The following HS3ST5 variants were observed in gnomAD, a reference collection of about 807,000 sequenced individuals.
HS3ST5 encodes heparan sulfate-glucosamine 3-sulfotransferase 5.
A neutral mutation model predicts 25.4 loss-of-function variants in HS3ST5; 10 were observed. The ratio of observed to expected loss-of-function variants is 0.39; its 90% CI spans 0.24 to 0.67. The LOEUF is 0.67. Ranked by LOEUF, HS3ST5 falls within the 30% of genes least tolerant of loss-of-function variation. HS3ST5 has a pLI of 0.44. For synonymous variants in HS3ST5, 170 were observed against 162.4 expected, an observed-to-expected ratio of 1.05 and a Z score of -0.36; for missense variants, 324 against 420.7, an observed-to-expected ratio of 0.77 and a Z score of 2.01.
At chr6:114,246,606 T>G (rs1772391012) in intron 1 of HS3ST5, among the ~76,000 whole-genome samples, 1 of 152,204 alleles carries the variant, frequency 6.6e-6, no homozygotes, top group Non-Finnish European at 1.5e-5. Flanking sequence ...TAGGCAACGC[T>G]TATACAGCAG....
chr6:114,155,812 T>A (rs1181982789), intron 3 of HS3ST5, among the ~76,000 whole-genome samples: 5 of 152,188 alleles, frequency 3.3e-5, no homozygotes, highest in Admixed American at 2.0e-4. Flanking sequence ...AAACACACCC[T>A]GTATTTATAG....
At chr6:114,237,508 T>C (rs1771913069) in intron 1 of HS3ST5, among the ~76,000 whole-genome samples, 2 of 152,302 alleles carry the variant, frequency 1.3e-5, no homozygotes, top group East Asian at 3.9e-4. Flanking sequence ...CACTTTAGAC[T>C]ATACCTGGGT....
At chr6:114,226,621 T>A (rs1771303395) in intron 2 of HS3ST5, among the ~76,000 whole-genome samples, 1 of 152,072 alleles carries the variant, frequency 6.6e-6, no homozygotes, top group Admixed American at 6.6e-5. Flanking sequence ...GACTAGAAGA[T>A]CAAAATGGTC....
intron 1 of HS3ST5, among the ~76,000 whole-genome samples, chr6:114,303,733 T>G (rs1445368034): frequency 6.6e-6 from 1 of 152,082 alleles, no homozygotes; most frequent in Non-Finnish European, 1.5e-5. Flanking sequence ...TAACTTAAAT[T>G]CTACTATAAC....
chr6:114,230,074 T>C (rs1318037497), intron 1 of HS3ST5: 1 of 151,304 alleles, frequency 6.6e-6, no homozygotes, highest in Non-Finnish European at 1.5e-5. Flanking sequence ...GAAGGTTTCA[T>C]GATGCAGAGT....
intron 3 of HS3ST5, among the ~76,000 whole-genome samples, chr6:114,136,392 T>C (rs573106164): frequency 6.6e-6 from 1 of 152,296 alleles, no homozygotes; most frequent in Admixed American, 6.5e-5. Context: ...GTGACTTTGC[T>C]CTTCATTTGT....
At chr6:114,212,348 G>A (rs1317159713) in intron 2 of HS3ST5, among the ~76,000 whole-genome samples, 1 of 152,162 alleles carries the variant, frequency 6.6e-6, no homozygotes, top group Non-Finnish European at 1.5e-5. Context: ...ATGGATACAT[G>A]GTGATGTTGA....
At chr6:114,098,640 T>G (rs1156861613) in intron 3 of HS3ST5, among the ~76,000 whole-genome samples, 2 of 151,526 alleles carry the variant, frequency 1.3e-5, no homozygotes, top group Non-Finnish European at 3.0e-5. Flanking sequence ...AAATACTTGA[T>G]GAATGGGCAT....
At chr6:114,064,190 T>A (rs1313601747) in intron 3 of HS3ST5, among the ~76,000 whole-genome samples, 1 of 152,208 alleles carries the variant, frequency 6.6e-6, no homozygotes, top group Non-Finnish European at 1.5e-5. Flanking sequence ...ATCTCTGTAT[T>A]GCTATGTGAA....
intron 2 of HS3ST5, among the ~76,000 whole-genome samples, chr6:114,216,436 G>T (rs1046087465): frequency 1.3e-5 from 2 of 152,112 alleles, no homozygotes; most frequent in African/African-American, 4.8e-5. Flanking sequence ...AAGCTTCATT[G>T]CTGGCAATCA....
At chr6:114,271,078 A>C (rs1254655698) in intron 1 of HS3ST5, among the ~76,000 whole-genome samples, 1 of 152,136 alleles carries the variant, frequency 6.6e-6, no homozygotes, top group East Asian at 1.9e-4. Context: ...ACACAGAGAC[A>C]TGATGTCTAT....
intron 1 of HS3ST5, among the ~76,000 whole-genome samples, chr6:114,312,682 T>C (rs1046548431): frequency 6.6e-6 from 1 of 151,948 alleles, no homozygotes. Context: ...AGTTGAATGA[T>C]AAAATGAAAA....
At chr6:114,114,748 A>G (rs1254501321) in intron 3 of HS3ST5, among the ~76,000 whole-genome samples, 1 of 152,138 alleles carries the variant, frequency 6.6e-6, no homozygotes, top group Non-Finnish European at 1.5e-5. Flanking sequence ...CTTAGAGGAC[A>G]AAAATATTTA....
chr6:114,088,077 T>A (rs1774930455), intron 3 of HS3ST5, among the ~76,000 whole-genome samples: 1 of 152,218 alleles, frequency 6.6e-6, no homozygotes, highest in Non-Finnish European at 1.5e-5. Flanking sequence ...GATGCCTATA[T>A]TGGGTAAAGA....
intron 3 of HS3ST5, among the ~76,000 whole-genome samples, chr6:114,125,431 G>C (rs1776992684): frequency 6.6e-6 from 1 of 152,092 alleles, no homozygotes; most frequent in African/African-American, 2.4e-5. Flanking sequence ...AAACTATTTT[G>C]GTTCAGCAAA....
At chr6:114,064,953 G>A (rs1773364110) in intron 3 of HS3ST5, among the ~76,000 whole-genome samples, 1 of 152,158 alleles carries the variant, frequency 6.6e-6, no homozygotes, top group Admixed American at 6.5e-5. Context: ...AGGCAGGCAG[G>A]TGTGGTTGGA....
intron 3 of HS3ST5, among the ~76,000 whole-genome samples, chr6:114,140,240 A>G (rs896457246): frequency 6.6e-6 from 1 of 152,208 alleles, no homozygotes; most frequent in African/African-American, 2.4e-5. Flanking sequence ...GAGTTTGGCA[A>G]TATTAGACTA....
At chr6:114,273,697 A>G (rs989609080) in intron 1 of HS3ST5, among the ~76,000 whole-genome samples, 1 of 151,986 alleles carries the variant, frequency 6.6e-6, no homozygotes, top group Non-Finnish European at 1.5e-5. Flanking sequence ...GATTGTGTCA[A>G]ATGCCAATAG....
At chr6:114,213,153 C>T (rs1781587025) in intron 2 of HS3ST5, among the ~76,000 whole-genome samples, 1 of 151,960 alleles carries the variant, frequency 6.6e-6, no homozygotes, top group African/African-American at 2.4e-5. Context: ...GTTCGGCCAT[C>T]CCTGGTTGAA....
Sources: allele counts gnomAD v4.1 joint callset (sites outside exome capture counted in the v4.1 genomes callset), GRCh38; gene constraint gnomAD v4.1.1; transcripts MANE v1.5; gene names NCBI Gene and HGNC (gene_info 2026-07-23, HGNC 2026-07-21).